ZW10: variants seen among roughly 807,000 people sequenced by gnomAD.
The protein encoded by ZW10 is centromere/kinetochore protein zw10 homolog.
In ZW10, 53 loss-of-function variants were observed where a neutral mutation model predicts 87.8. The observed-to-expected ratio is 0.60, with a 90% CI of 0.48 to 0.76. The LOEUF (loss-of-function observed/expected upper bound fraction) is 0.76, where lower values mean the gene tolerates loss of function less well. Ranked by LOEUF, ZW10 falls within the 30% of genes least tolerant of loss-of-function variation. The pLI is 0.00. For missense variants in ZW10, 837 were observed against 923.0 expected, an observed-to-expected ratio of 0.91 and a Z score of 1.21; for synonymous variants, 312 against 329.2, an observed-to-expected ratio of 0.95 and a Z score of 0.57.
Position 113,754,433 on chromosome 11 carries a change from C to T in ZW10, c.925+3229G>A, listed in dbSNP as rs549583421. Among the ~76,000 whole-genome samples the T allele has an allele frequency of 2.6e-3, 400 of 151,902 alleles. 7 individuals carry two copies. Among genetic ancestry groups the T allele is most frequent in the Non-Finnish European group, 4.4e-4 (30 of 67,960 alleles). The stretch of plus-strand genomic sequence containing the variant: ...CCAGGAGGCAGAGGTTGCAGTGAGC[C>T]GAGATCATGCCACTATACTCCAGCC... On this transcript the variant is annotated intron_variant, in intron 7 of 15. Coordinates refer to ENST00000200135, the MANE Select transcript of ZW10 (RefSeq NM_004724.4).
chr11:113,736,491 A>C lies in ZW10; in HGVS notation c.2219+129T>G, dbSNP rs572504609. 29 of 858,420 alleles carry C rather than the reference A, an allele frequency of 3.4e-5. No individual in the cohort carries two copies. In the Admixed American group the frequency reaches 5.4e-4, roughly 16 times the overall value. The allele number at this position is 858,420 out of a possible 1,614,324, so 53.2% of individuals were successfully genotyped here. A position where few individuals can be genotyped will look rare whatever the true frequency, so the allele number is the denominator to read the frequency against. On this transcript the variant is annotated intron_variant, in intron 15 of 15. Transcript: ENST00000200135. ...GATAGATCATGAAAAGGCCCCAGCT[A>C]CTGCTACTCAATATGAAAGTCTTGC...
intron 11 of ZW10, among the ~76,000 whole-genome samples, chr11:113,741,094 T>G (rs1018669213): frequency 6.7e-6 from 1 of 150,040 alleles, no homozygotes; most frequent in Non-Finnish European, 1.5e-5. Flanking sequence ...AAATCTGAAC[T>G]AAAAAATACT....
chr11:113,739,154 A>G, intron 12 of ZW10, 59 bp downstream of exon 12: 1 of 1,578,082 alleles, frequency 6.3e-7, no homozygotes, highest in Admixed American at 1.8e-5. Flanking sequence ...AACTATAAAG[A>G]TACTATGTTG....
At chr11:113,739,420 C>T in intron 11 of ZW10, 38 bp from the exon 12 acceptor site, 6 of 1,553,152 alleles carry the variant, frequency 3.9e-6, no homozygotes, top group Non-Finnish European at 5.2e-6. Flanking sequence ...AAAGCAACCA[C>T]CTGTTACTGA....
intron 2 of ZW10, among the ~76,000 whole-genome samples, chr11:113,766,673 CAAAAAAAAAAAA>C (rs34081366): frequency 3.6e-5 from 1 of 27,638 alleles, no homozygotes; most frequent in South Asian, 2.2e-3. Context: ...GACTCCATCT[CAAAAAAAAAAAA>C]AAAAAAAAAA....
At chr11:113,759,808 TAG>T (rs1466945865) in intron 5 of ZW10, among the ~76,000 whole-genome samples, 1 of 152,172 alleles carries the variant, frequency 6.6e-6, no homozygotes, top group Non-Finnish European at 1.5e-5. Flanking sequence ...AGAGAATGGC[TAG>T]AGAGCTCCTT....
intron 2 of ZW10, among the ~76,000 whole-genome samples, chr11:113,762,427 T>C (rs1171222649): frequency 2.0e-5 from 3 of 152,192 alleles, no homozygotes; most frequent in Non-Finnish European, 2.9e-5. Flanking sequence ...ATAAACACTA[T>C]ACATTTAGGT....
At chr11:113,754,779 G>A (rs1461923658) in intron 7 of ZW10, among the ~76,000 whole-genome samples, 2 of 151,776 alleles carry the variant, frequency 1.3e-5, no homozygotes, top group East Asian at 3.9e-4. Context: ...TTTTAGTAGA[G>A]GCCAGGTATC....
intron 5 of ZW10, among the ~76,000 whole-genome samples, chr11:113,759,296 C>A (rs1473404572): frequency 2.0e-5 from 3 of 151,248 alleles, no homozygotes; most frequent in Admixed American, 6.6e-5. Flanking sequence ...ACAAATAATT[C>A]AACACACCTG....
chr11:113,762,162 A>G (rs1238852428), intron 2 of ZW10, among the ~76,000 whole-genome samples: 1 of 152,242 alleles, frequency 6.6e-6, no homozygotes, highest in Non-Finnish European at 1.5e-5. Context: ...CTATGTACCT[A>G]GGCTATATAA....
chr11:113,740,897 T>C (rs1358995686), intron 11 of ZW10, among the ~76,000 whole-genome samples: 1 of 152,198 alleles, frequency 6.6e-6, no homozygotes, highest in African/African-American at 2.4e-5. Flanking sequence ...TGTCTTTAAA[T>C]CCCCAAGGAC....
intron 11 of ZW10, among the ~76,000 whole-genome samples, chr11:113,741,165 G>A (rs1953613746): frequency 6.6e-6 from 1 of 151,076 alleles, no homozygotes; most frequent in Non-Finnish European, 1.5e-5. Flanking sequence ...TTTAATTAGA[G>A]GCGAGGGTCT....
chr11:113,768,872 A>G lies in ZW10; in HGVS notation c.201T>C (p.Ser67=). ...TGGATTTCAGCAGGTCAATGTCTTC[A>G]GATAGCTTATCCACCTGGGTAATCA... ...QGLITQVDKL[S]EDIDLLKSRI... is the part of the protein sequence containing the mutation. The change falls in exon 2 of 16, where the codon TCT becomes TCC. Residue 67 remains serine (S), a synonymous_variant. Transcript: ENST00000200135. 2 of 1,614,218 alleles carry G rather than the reference A, an allele frequency of 1.2e-6. No homozygotes were observed. Among genetic ancestry groups the G allele is most frequent in the Non-Finnish European group, 1.7e-6 (2 of 1,180,040 alleles).
intron 7 of ZW10, among the ~76,000 whole-genome samples, chr11:113,749,068 A>T (rs1953710000): frequency 6.6e-6 from 1 of 152,142 alleles, no homozygotes; most frequent in African/African-American, 2.4e-5. Flanking sequence ...TAAGAGCCTT[A>T]GAAGAGCAGG....
Position 113,760,832 on chromosome 11 carries a change from A to C in ZW10, c.327T>G (p.Leu109=). ...GTTTACTGACCTCCTGCAACTGTTT[A>C]AGCAAACTTAGGACAACTGAGTCTC... ...LERDSVVLSL[L]KQLQEFSTAI... is the part of the protein sequence containing the mutation. The change falls in exon 3 of 16, where the codon CTT becomes CTG. Residue 109 remains leucine, a synonymous_variant. Transcript: ENST00000200135. 6.2e-7 allele frequency: 1 copy of C among 1,614,086 alleles called. No homozygotes were observed. The highest frequency in any genetic ancestry group is 8.5e-7 in the Non-Finnish European group (1 of 1,179,992).
intron 6 of ZW10, 130 bp downstream of exon 6, chr11:113,758,424 C>A: frequency 1.4e-6 from 1 of 708,662 alleles, no homozygotes; most frequent in Non-Finnish European, 2.1e-6. Flanking sequence ...GGACAATTCT[C>A]TTTGATGAAT....
At chr11:113,753,787 G>A (rs1953756644) in intron 7 of ZW10, among the ~76,000 whole-genome samples, 1 of 152,232 alleles carries the variant, frequency 6.6e-6, no homozygotes, top group African/African-American at 2.4e-5. Context: ...CTAATCCAGA[G>A]CAAGGCCTTA....
At chr11:113,761,679 A>AT (rs1385411562) in intron 2 of ZW10, among the ~76,000 whole-genome samples, 1 of 152,132 alleles carries the variant, frequency 6.6e-6, no homozygotes, top group Non-Finnish European at 1.5e-5. Context: ...AAAATCTCCA[A>AT]TTAACCTCTC....
chr11:113,765,646 G>A (rs1214987996), intron 2 of ZW10, among the ~76,000 whole-genome samples: 1 of 152,062 alleles, frequency 6.6e-6, no homozygotes, highest in African/African-American at 2.4e-5. Flanking sequence ...TGATTCACTG[G>A]GTCTGGATTG....
Sources: allele counts gnomAD v4.1 joint callset (sites outside exome capture counted in the v4.1 genomes callset), GRCh38; gene constraint gnomAD v4.1.1; transcripts MANE v1.5; gene names NCBI Gene and HGNC (gene_info 2026-07-23, HGNC 2026-07-21).